LRCH1: variants seen among roughly 807,000 people sequenced by gnomAD.
LRCH1 encodes the protein leucine rich repeats and calponin homology domain containing 1.
A neutral mutation model predicts 94.9 loss-of-function variants in LRCH1; 23 were observed. The observed-to-expected ratio is 0.24, with a 90% CI of 0.17 to 0.34. The LOEUF is 0.34. Among genes scored for constraint, LRCH1 ranks in the 10% least tolerant of loss-of-function variants. The pLI, the probability that LRCH1 is intolerant of heterozygous loss-of-function variation, is 1.00. For synonymous variants in LRCH1, 364 were observed against 354.9 expected (o/e 1.03, Z -0.29); for missense variants, 790 against 945.9 (o/e 0.84, Z 2.16).
rs73484196 is a variant in LRCH1, at chr13:46,555,989, G to T, written c.307+2286G>T. Among the ~76,000 whole-genome samples, 831 of 152,332 alleles carry T rather than the reference G, an allele frequency of 5.5e-3. 5 individuals are homozygous for T. Among genetic ancestry groups the T allele is most frequent in the African/African-American group, 0.018 (739 of 41,568 alleles). On this transcript the variant is annotated intron_variant, in intron 1 of 19. Transcript: ENST00000389797. The stretch of plus-strand genomic sequence containing the variant: ...GTGTTGACACAGCGTACATGTAAGA[G>T]TTCTAGTACAGTTGAAAGTTTGAGT...
At position 46,657,692 on chromosome 13, in the gene LRCH1, A is replaced by ATTTTTTTTT. The variant is rs55823488; in HGVS notation, c.452+7355_452+7363dup. The stretch of plus-strand genomic sequence containing the variant: ...AGACGTGCGCCACCATGCCCAGCTA[A>ATTTTTTTTT]TTTTTTTTTTTTTTTTGGTAGAGAT... On this transcript the variant is annotated intron_variant, in intron 2 of 19. Coordinates refer to ENST00000389797, the MANE Select transcript of LRCH1 (RefSeq NM_001164211.2). Among the ~76,000 whole-genome samples the ATTTTTTTTT allele has an allele frequency of 4.0e-3, 186 of 46,882 alleles. 22 individuals are homozygous for ATTTTTTTTT. The highest frequency in any genetic ancestry group is 0.01 in the African/African-American group (132 of 12,822). The allele number at this position is 46,882 out of a possible 152,430, so 30.8% of individuals were successfully genotyped here.
At chr13:46,620,888 C>CT (rs1247917903) in intron 1 of LRCH1, among the ~76,000 whole-genome samples, 1 of 152,178 alleles carries the variant, frequency 6.6e-6, no homozygotes, top group Non-Finnish European at 1.5e-5. Flanking sequence ...ATATCATTAC[C>CT]TTTCTTGGCT....
chr13:46,742,024 A>G lies in LRCH1; in HGVS notation c.*176A>G, dbSNP rs982942914. On this transcript the variant is annotated 3_prime_UTR_variant, in exon 20 of 20. Transcript: ENST00000389797. Reference sequence around the variant, plus strand: ...TTTCCAGAAGCACAAACTTTGTAGAATACAGTTTAGTATAATTCCTCTCAC... The same window carrying G: ...TTTCCAGAAGCACAAACTTTGTAGAGTACAGTTTAGTATAATTCCTCTCAC... The G allele has an allele frequency of 2.3e-5, 34 of 1,461,056 alleles. No individual in the cohort carries two copies. Among genetic ancestry groups the G allele is most frequent in the Non-Finnish European group, 3.0e-5 (34 of 1,114,812 alleles). The allele number at this position is 1,461,056 out of a possible 1,614,324, so 90.5% of individuals were successfully genotyped here. A position where few individuals can be genotyped will look rare whatever the true frequency, so the allele number is the denominator to read the frequency against.
intron 4 of LRCH1, among the ~76,000 whole-genome samples, chr13:46,682,438 G>A (rs1472157476): frequency 1.3e-5 from 2 of 152,122 alleles, no homozygotes; most frequent in Non-Finnish European, 2.9e-5. Flanking sequence ...AGGTAATAGA[G>A]GTTAGGACTT....
At chr13:46,611,742 AGAT>A (rs1472696029) in intron 1 of LRCH1, among the ~76,000 whole-genome samples, 1 of 152,212 alleles carries the variant, frequency 6.6e-6, no homozygotes, top group Non-Finnish European at 1.5e-5. Context: ...TTATTTGTTG[AGAT>A]GATAATATTT....
At chr13:46,673,927 C>T (rs913612114) in intron 3 of LRCH1, among the ~76,000 whole-genome samples, 5 of 152,028 alleles carry the variant, frequency 3.3e-5, no homozygotes, top group African/African-American at 9.7e-5. Context: ...ACTACAGGCA[C>T]GTACCACTGC....
At chr13:46,738,171 A>T (rs1200614895) in intron 19 of LRCH1, among the ~76,000 whole-genome samples, 2 of 152,246 alleles carry the variant, frequency 1.3e-5, no homozygotes, top group Non-Finnish European at 2.9e-5. Flanking sequence ...TGACAGTGGT[A>T]GCCTCCTTTC....
At chr13:46,704,785 T>A (rs940536119) in intron 11 of LRCH1, among the ~76,000 whole-genome samples, 75 of 152,212 alleles carry the variant, frequency 4.9e-4, no homozygotes, top group African/African-American at 1.8e-3. Context: ...AAATTTAGTA[T>A]ATGCTATACT....
At chr13:46,616,490 G>A (rs1000259472) in intron 1 of LRCH1, among the ~76,000 whole-genome samples, 1 of 152,160 alleles carries the variant, frequency 6.6e-6, no homozygotes, top group Non-Finnish European at 1.5e-5. Context: ...GGAGGCTGAT[G>A]TTTATTATTT....
chr13:46,652,079 T>C, intron 2 of LRCH1, among the ~76,000 whole-genome samples: 1 of 132,320 alleles, frequency 7.6e-6, no homozygotes, highest in Non-Finnish European at 1.6e-5. Context: ...TTTTTTTGTT[T>C]TGTTTTGTTT....
chr13:46,724,403 T>A (rs1872718447), intron 17 of LRCH1, among the ~76,000 whole-genome samples: 1 of 152,226 alleles, frequency 6.6e-6, no homozygotes, highest in African/African-American at 2.4e-5. Context: ...TAACAATGTT[T>A]ATAGTTATCC....
At position 46,620,935 on chromosome 13, in the gene LRCH1, T is replaced by C. The variant is rs193133064; in HGVS notation, c.308-29266T>C. On this transcript the variant is annotated intron_variant, in intron 1 of 19. Coordinates refer to ENST00000389797, the MANE Select transcript of LRCH1 (RefSeq NM_001164211.2). Reference sequence around the variant, plus strand: ...TGTAATCTAATTCATTGAGTCTGACTGTGTTTAAGCTATTGTTTTGGGTGT... The same window carrying C: ...TGTAATCTAATTCATTGAGTCTGACCGTGTTTAAGCTATTGTTTTGGGTGT... Among the ~76,000 whole-genome samples, 21 of 152,340 alleles carry C rather than the reference T, an allele frequency of 1.4e-4. 1 individual carries two copies. The East Asian group carries it at 4.1e-3, about 29-fold the overall frequency.
intron 1 of LRCH1, among the ~76,000 whole-genome samples, chr13:46,640,422 CT>C (rs1253101499): frequency 1.3e-5 from 2 of 152,138 alleles, no homozygotes; most frequent in Admixed American, 6.5e-5. Context: ...GTTCATGCAG[CT>C]AAGTGGTGGG....
intron 1 of LRCH1, among the ~76,000 whole-genome samples, chr13:46,621,972 G>A (rs577062854): frequency 9.9e-5 from 15 of 152,190 alleles, no homozygotes; most frequent in African/African-American, 3.4e-4. Context: ...GGCTTATTAT[G>A]TCTGTGTTCC....
At chr13:46,573,698 A>G (rs895043397) in intron 1 of LRCH1, among the ~76,000 whole-genome samples, 15 of 151,494 alleles carry the variant, frequency 9.9e-5, no homozygotes, top group Non-Finnish European at 1.6e-4. Flanking sequence ...ACTCATGGAC[A>G]TAGACATAGA....
At chr13:46,726,764 C>G (rs73193038) in intron 17 of LRCH1, among the ~76,000 whole-genome samples, 10,603 of 151,578 alleles carry the variant, frequency 0.07, 620 homozygotes, top group African/African-American at 0.14. Context: ...CCCTCCCCCA[C>G]TCCCTGGCCA....
At chr13:46,750,540 G>A in exon 19 of LRCH1, 1 of 1,545,274 alleles carries the variant, frequency 6.5e-7, no homozygotes, top group African/African-American at 1.4e-5. Flanking sequence ...TTCCTTTTAG[G>A]AAAAGCTATG....
chr13:46,657,495 CTTTTCTTTTTTTTTTTTTTTTT>C (rs1243042599), intron 2 of LRCH1, among the ~76,000 whole-genome samples: 333 of 16,802 alleles, frequency 0.02, 4 homozygotes, highest in Non-Finnish European at 0.033. Context: ...TTTTTCTTTT[CTTTTCTTTTTTTTTTTTTTTTT>C]TTTTTTTTTT....
chr13:46,564,861 C>T (rs1193771004), intron 1 of LRCH1, among the ~76,000 whole-genome samples: 2 of 152,186 alleles, frequency 1.3e-5, no homozygotes, highest in Non-Finnish European at 2.9e-5. Context: ...GGGCTCAGGT[C>T]TGGCAAACAG....
Sources: allele counts gnomAD v4.1 joint callset (sites outside exome capture counted in the v4.1 genomes callset), GRCh38; gene constraint gnomAD v4.1.1; transcripts MANE v1.5; gene names NCBI Gene and HGNC (gene_info 2026-07-23, HGNC 2026-07-21).